The following CACNA2D3 variants were observed in gnomAD, a reference collection of about 807,000 sequenced individuals.
CACNA2D3 encodes the protein voltage-dependent calcium channel subunit alpha-2/delta-3.
Under a neutral mutation model 160.6 loss-of-function variants are expected in CACNA2D3, and 60 were observed. The ratio of observed to expected loss-of-function variants is 0.37; its 90% confidence interval spans 0.30 to 0.46. The LOEUF (loss-of-function observed/expected upper bound fraction) is 0.46. Among genes scored for constraint, CACNA2D3 ranks in the 20% least tolerant of loss-of-function variants. The pLI is 1.00. For synonymous variants in CACNA2D3, 558 were observed against 492.9 expected (o/e 1.13, Z -1.75); for missense variants, 1,205 against 1,365.0 (o/e 0.88, Z 1.85).
At chr3:54,385,733 ATAT>A (rs1262418206) in intron 3 of CACNA2D3, among the ~76,000 whole-genome samples, 1 of 152,192 alleles carries the variant, frequency 6.6e-6, no homozygotes, top group Non-Finnish European at 1.5e-5. Flanking sequence ...TTAGAGATTA[ATAT>A]TAATGCCATC....
At position 54,763,655 on chromosome 3, in the gene CACNA2D3, G is replaced by A. The variant is rs896066038; in HGVS notation, c.1247-563G>A. ...TGTGTGTGTGTGTGTGTATATATAT[G>A]TGTGTGTGTGTGTGTATATATGTAT... is the stretch of plus-strand genomic sequence containing the variant. On this transcript the variant is annotated intron_variant, in intron 12 of 37. Transcript: ENST00000474759. Among the ~76,000 whole-genome samples, 113 of 71,500 alleles carry A rather than the reference G, an allele frequency of 1.6e-3. No homozygotes were observed. In the Middle Eastern group the frequency reaches 0.021, roughly 13 times the overall value. The allele number at this position is 71,500 out of a possible 152,430, so 46.9% of individuals were successfully genotyped here. A position where few individuals can be genotyped will look rare whatever the true frequency, so the allele number is the denominator to read the frequency against.
chr3:54,331,374 T>C (rs1016335452), intron 3 of CACNA2D3, among the ~76,000 whole-genome samples: 9 of 152,060 alleles, frequency 5.9e-5, no homozygotes, highest in African/African-American at 2.2e-4. Context: ...CCAAGGAACA[T>C]TGAGTTTGCA....
chr3:54,935,686 C>T (rs1315560531), intron 27 of CACNA2D3, among the ~76,000 whole-genome samples: 2 of 152,118 alleles, frequency 1.3e-5, no homozygotes, highest in African/African-American at 4.8e-5. Context: ...TGCTTTTGTA[C>T]TTTTACTATA....
At chr3:54,613,964 G>T (rs1411502057) in intron 9 of CACNA2D3, among the ~76,000 whole-genome samples, 1 of 152,110 alleles carries the variant, frequency 6.6e-6, no homozygotes, top group South Asian at 2.1e-4. Flanking sequence ...GATGGTACTT[G>T]CTACTCCTGC....
At chr3:54,161,875 G>A (rs1425020748) in intron 2 of CACNA2D3, among the ~76,000 whole-genome samples, 1 of 152,148 alleles carries the variant, frequency 6.6e-6, no homozygotes, top group South Asian at 2.1e-4. Context: ...TGCTCCTTGG[G>A]GAGTCACCAC....
At chr3:54,224,812 C>T (rs1428363079) in intron 2 of CACNA2D3, among the ~76,000 whole-genome samples, 2 of 151,156 alleles carry the variant, frequency 1.3e-5, no homozygotes, top group Admixed American at 6.6e-5. Context: ...GCTCTTTATT[C>T]TTTCTCATGT....
intron 11 of CACNA2D3, among the ~76,000 whole-genome samples, chr3:54,702,975 G>A (rs1700793451): frequency 1.3e-5 from 2 of 152,106 alleles, no homozygotes; most frequent in South Asian, 4.2e-4. Context: ...ATTAATATAG[G>A]AACAGAAAAC....
rs566950864 is a variant in CACNA2D3 at position 54,407,586 on chromosome 3, T to TA, written c.381+20813dup. Reference sequence around the variant, plus strand: ...AAAATCAAAGCTACTTCTCAGTTGTTACACACACACACATCTGATCCAAAC... The same window carrying TA: ...AAAATCAAAGCTACTTCTCAGTTGTTAACACACACACACATCTGATCCAAAC... On this transcript the variant is annotated intron_variant, in intron 4 of 37. Coordinates refer to ENST00000474759, the MANE Select transcript of CACNA2D3 (RefSeq NM_018398.3). Among the ~76,000 whole-genome samples, 22 of 152,114 alleles carry TA rather than the reference T, an allele frequency of 1.4e-4. No individual in the cohort carries two copies. In the East Asian group the frequency reaches 4.0e-3, roughly 28 times the overall value.
chr3:54,628,290 G>T (rs987327320), intron 10 of CACNA2D3, among the ~76,000 whole-genome samples: 33 of 152,340 alleles, frequency 2.2e-4, no homozygotes, highest in African/African-American at 7.0e-4. Flanking sequence ...AGATCTATAG[G>T]CATGGGACGG....
intron 11 of CACNA2D3, among the ~76,000 whole-genome samples, chr3:54,741,616 C>G (rs1701651517): frequency 2.0e-5 from 3 of 151,032 alleles, no homozygotes; most frequent in Admixed American, 2.0e-4. Flanking sequence ...AAAAAAAAGA[C>G]TGTTATTTCA....
intron 2 of CACNA2D3, among the ~76,000 whole-genome samples, chr3:54,168,481 T>C (rs943483563): frequency 1.3e-5 from 2 of 152,192 alleles, no homozygotes; most frequent in African/African-American, 4.8e-5. Flanking sequence ...GTTTGCAGTT[T>C]TAAATGGAGA....
intron 31 of CACNA2D3, among the ~76,000 whole-genome samples, chr3:55,002,560 T>C (rs1375484444): frequency 6.6e-6 from 1 of 152,218 alleles, no homozygotes; most frequent in African/African-American, 2.4e-5. Flanking sequence ...GAGAAGTTTG[T>C]GCGGGGACAT....
chr3:54,413,915 CTT>C (rs11296998), intron 4 of CACNA2D3, among the ~76,000 whole-genome samples: 27,870 of 139,514 alleles, frequency 0.2, 2,839 homozygotes, highest in Admixed American at 0.29. Flanking sequence ...TTTTAAGTCA[CTT>C]TTTTTTTTTT....
rs556055094 is a variant in CACNA2D3 at position 54,389,243 on chromosome 3, C to T, written c.381+2469C>T. On this transcript the variant is annotated intron_variant, in intron 4 of 37. Transcript: ENST00000474759. ...CTGGGAGGTGGATGTTGGAGTCAGC[C>T]GAGATCACGCCAGTGCACTCCAGCC... 2.0e-4 allele frequency among the ~76,000 whole-genome samples: 31 copies of T among 151,464 alleles called. No homozygotes were observed. The East Asian group carries it at 4.1e-3, about 20-fold the overall frequency.
chr3:54,467,968 A>C (rs532487963), intron 4 of CACNA2D3, among the ~76,000 whole-genome samples: 1 of 152,344 alleles, frequency 6.6e-6, no homozygotes, highest in East Asian at 1.9e-4. Context: ...GCATGTGTCA[A>C]AACATCACAT....
chr3:54,928,379 C>T (rs1285422794), intron 27 of CACNA2D3, among the ~76,000 whole-genome samples: 3 of 152,146 alleles, frequency 2.0e-5, no homozygotes, highest in Non-Finnish European at 4.4e-5. Context: ...ATTCTGTTGA[C>T]TTATTAACCA....
chr3:54,366,278 A>C (rs1187394753), intron 3 of CACNA2D3, among the ~76,000 whole-genome samples: 1 of 152,196 alleles, frequency 6.6e-6, no homozygotes, highest in Non-Finnish European at 1.5e-5. Flanking sequence ...GAGACACCAC[A>C]TGTGGAAAAG....
intron 13 of CACNA2D3, among the ~76,000 whole-genome samples, chr3:54,772,212 T>C (rs1702333976): frequency 6.6e-6 from 1 of 150,634 alleles, no homozygotes; most frequent in Non-Finnish European, 1.5e-5. Flanking sequence ...CTCTTCTTTC[T>C]CTGTAATTAT....
chr3:54,372,216 A>G (rs1455919161), intron 3 of CACNA2D3, among the ~76,000 whole-genome samples: 2 of 152,236 alleles, frequency 1.3e-5, no homozygotes, highest in African/African-American at 2.4e-5. Context: ...TATTTTATGA[A>G]TTAACTTCAG....
Sources: gnomAD v4.1 joint callset for allele counts (sites outside exome capture counted in the v4.1 genomes callset) on GRCh38, gnomAD v4.1.1 for gene constraint, MANE v1.5 for transcripts, NCBI Gene and HGNC (gene_info 2026-07-23, HGNC 2026-07-21) for gene names.